LRBA: variants seen among roughly 807,000 people sequenced by gnomAD.
The protein encoded by LRBA is lipopolysaccharide-responsive and beige-like anchor protein.
LRBA carries 176 observed loss-of-function variants against 330.0 expected under a neutral mutation model. The observed-to-expected ratio is 0.53, with a 90% CI of 0.47 to 0.60. The LOEUF (loss-of-function observed/expected upper bound fraction) is 0.60, where lower values mean the gene tolerates loss of function less well. LRBA is among the 20% of genes least tolerant of loss of function. The pLI, the probability that LRBA is intolerant of heterozygous loss-of-function variation, is 0.00. For synonymous variants in LRBA, 1,230 were observed against 1,193.0 expected, an observed-to-expected ratio of 1.03 and a Z score of -0.64; for missense variants, 3,259 against 3,444.8, an observed-to-expected ratio of 0.95 and a Z score of 1.35.
intron 48 of LRBA, among the ~76,000 whole-genome samples, chr4:150,344,971 T>C (rs1489677592): frequency 1.3e-5 from 2 of 152,214 alleles, no homozygotes; most frequent in Non-Finnish European, 2.9e-5. Flanking sequence ...ATCTCTTTTA[T>C]CTATGTGCAG....
chr4:150,329,944 T>C (rs1316721597), intron 48 of LRBA, among the ~76,000 whole-genome samples: 4 of 152,210 alleles, frequency 2.6e-5, no homozygotes, highest in Non-Finnish European at 4.4e-5. Flanking sequence ...TATCGATTAT[T>C]ATAACAGTCT....
At position 150,735,243 on chromosome 4, in the gene LRBA, A is replaced by C. The variant is rs112952572; in HGVS notation, c.5754+15T>G. ...AAACGGTAACTTCCGCACACCAACC[A>C]TATGTGTAACCTACCTCAAATTCCG... On this transcript the variant is annotated intron_variant, in intron 36 of 56. Coordinates refer to ENST00000651943, the MANE Select transcript of LRBA (RefSeq NM_001364905.1). 6.3e-7 allele frequency: 1 copy of C among 1,579,146 alleles called. No individual in the cohort carries two copies. Among genetic ancestry groups the C allele is most frequent in the South Asian group, 1.1e-5 (1 of 90,214 alleles).
At chr4:150,543,729 T>A (rs1765558624) in intron 40 of LRBA, among the ~76,000 whole-genome samples, 1 of 152,274 alleles carries the variant, frequency 6.6e-6, no homozygotes, top group Non-Finnish European at 1.5e-5. Context: ...AAATAACCAA[T>A]TTCTTATTCA....
chr4:150,888,932 TAGAG>T (rs983484703), intron 17 of LRBA, among the ~76,000 whole-genome samples: 3 of 152,254 alleles, frequency 2.0e-5, no homozygotes, highest in African/African-American at 7.2e-5. Context: ...GATGTGCAGA[TAGAG>T]AGAGAGACAG....
At chr4:150,850,950 G>A (rs946069677) in intron 23 of LRBA, 48 bp from the exon 24 acceptor site, 1 of 1,396,036 alleles carries the variant, frequency 7.2e-7, no homozygotes, top group South Asian at 1.3e-5. Flanking sequence ...ACTTCAGCAG[G>A]AGGCTTTAGC....
intron 2 of LRBA, among the ~76,000 whole-genome samples, chr4:150,972,824 A>G (rs2149588980): frequency 6.6e-6 from 1 of 152,358 alleles, no homozygotes; most frequent in Admixed American, 6.5e-5. Context: ...AATTTCATCC[A>G]GTAGCAACAT....
At chr4:150,438,213 T>C (rs1349347557) in intron 44 of LRBA, among the ~76,000 whole-genome samples, 1 of 152,186 alleles carries the variant, frequency 6.6e-6, no homozygotes, top group Non-Finnish European at 1.5e-5. Flanking sequence ...CCAGGTGCAG[T>C]GGTTCACACC....
chr4:150,279,072 G>A (rs572075300), intron 55 of LRBA, among the ~76,000 whole-genome samples: 12 of 152,172 alleles, frequency 7.9e-5, no homozygotes, highest in Non-Finnish European at 1.0e-4. Context: ...TGATCCACCC[G>A]CTCGGACTCC....
chr4:150,737,395 G>C (rs565328979), intron 35 of LRBA, among the ~76,000 whole-genome samples: 2 of 152,282 alleles, frequency 1.3e-5, no homozygotes, highest in South Asian at 4.1e-4. Flanking sequence ...GGGTGGCGGA[G>C]CTTGCAGTGA....
rs1771612829 is a variant in LRBA, at chr4:150,583,108, A to G, written c.6330+4940T>C. The G allele has an allele frequency of 9.3e-6, 15 of 1,614,100 alleles. No individual in the cohort carries two copies. Among genetic ancestry groups the G allele is most frequent in the African/African-American group, 1.3e-5 (1 of 74,958 alleles). ...GCGCTGTCAGGCGCGCAAGGCGGCC[A>G]TCGCCAAAACCATCCGAGAGGTCTG... is the stretch of plus-strand genomic sequence containing the variant. On this transcript the variant is annotated intron_variant, in intron 40 of 56. Transcript: ENST00000651943. This position sits in a 1 kb window ranked among gnomAD's most constrained non-coding sequence, Gnocchi z 9.8.
At chr4:150,698,139 AAAC>A (rs1389984247) in intron 36 of LRBA, among the ~76,000 whole-genome samples, 1 of 152,192 alleles carries the variant, frequency 6.6e-6, no homozygotes, top group African/African-American at 2.4e-5. Context: ...AATAAACCAG[AAAC>A]AACAATAGCC....
At chr4:150,457,675 G>A (rs904439972) in intron 44 of LRBA, among the ~76,000 whole-genome samples, 5 of 151,270 alleles carry the variant, frequency 3.3e-5, no homozygotes, top group Non-Finnish European at 7.4e-5. Context: ...AAAAAAAATA[G>A]CCAAATCAGG....
At chr4:150,974,673 C>G (rs181918984) in intron 2 of LRBA, among the ~76,000 whole-genome samples, 113 of 152,282 alleles carry the variant, frequency 7.4e-4, no homozygotes, top group African/African-American at 2.3e-3. Context: ...TGACAGAAAC[C>G]TTGTCTTTCA....
chr4:150,758,680 C>A (rs907720330), intron 35 of LRBA, among the ~76,000 whole-genome samples: 2 of 150,668 alleles, frequency 1.3e-5, no homozygotes, highest in African/African-American at 4.9e-5. Flanking sequence ...CTCAAGTGAT[C>A]CTCCTGCCTC....
chr4:150,473,579 A>T (rs1756390761), intron 42 of LRBA, among the ~76,000 whole-genome samples: 1 of 152,052 alleles, frequency 6.6e-6, no homozygotes, highest in Admixed American at 6.6e-5. Context: ...TCAAGCTGGG[A>T]ATCTATATTC....
rs1303809766 is a variant in LRBA, at chr4:150,525,226, G to GCATATTTAATAAAAT, written c.6331-34192_6331-34191insATTTTATTAAATATG. ...ATAGTCTGCATATTTAAAAAAAACT[G>GCATATTTAATAAAAT]AAGAAAATATTATTTTATGCTGTTC... On this transcript the variant is annotated intron_variant, in intron 40 of 56. Coordinates refer to ENST00000651943, the MANE Select transcript of LRBA (RefSeq NM_001364905.1). Among the ~76,000 whole-genome samples the GCATATTTAATAAAAT allele has an allele frequency of 1.4e-4, 21 of 151,906 alleles. No homozygotes were observed. The South Asian group carries it at 4.0e-3, about 29-fold the overall frequency.
chr4:150,343,232 A>G (rs1735830094), intron 48 of LRBA, among the ~76,000 whole-genome samples: 3 of 152,294 alleles, frequency 2.0e-5, no homozygotes, highest in Admixed American at 2.0e-4. Flanking sequence ...CTCCGATCCT[A>G]AAGTTTTAAA....
intron 21 of LRBA, 30 bp from the exon 22 acceptor site, chr4:150,867,893 T>A: frequency 6.6e-7 from 1 of 1,517,168 alleles, no homozygotes; most frequent in Admixed American, 2.0e-5. Flanking sequence ...ACTAAATTAC[T>A]GAAGAAAAAA....
chr4:150,541,934 G>A (rs201120075), intron 40 of LRBA, among the ~76,000 whole-genome samples: 10 of 152,004 alleles, frequency 6.6e-5, no homozygotes, highest in Admixed American at 3.9e-4. Flanking sequence ...CACCTGCCTC[G>A]GGAGACTCCA....
Sources: allele counts gnomAD v4.1 joint callset (sites outside exome capture counted in the v4.1 genomes callset), GRCh38; gene constraint gnomAD v4.1.1; non-coding constraint Gnocchi (gnomAD v3.1); transcripts MANE v1.5; gene names NCBI Gene and HGNC (gene_info 2026-07-23, HGNC 2026-07-21).